The following CWC27 variants were observed in gnomAD, a reference collection of about 807,000 sequenced individuals.
CWC27 encodes spliceosome-associated protein CWC27 homolog.
In CWC27, 47 loss-of-function variants were observed where a neutral mutation model predicts 63.6. The observed-to-expected ratio is 0.74, with a 90% CI of 0.58 to 0.94. The LOEUF (loss-of-function observed/expected upper bound fraction) is 0.94, where lower values mean the gene tolerates loss of function less well. Among genes scored for constraint, CWC27 ranks in the 40% least tolerant of loss-of-function variants. The probability of loss-of-function intolerance (pLI) is 0.00; values close to 1 mark genes in which losing one functional copy is unlikely to be tolerated. For missense variants in CWC27, 495 were observed against 554.3 expected, an observed-to-expected ratio of 0.89 and a Z score of 1.07; for synonymous variants, 175 against 179.8, an observed-to-expected ratio of 0.97 and a Z score of 0.22.
At chr5:64,820,302 G>A (rs1396328605) in intron 10 of CWC27, among the ~76,000 whole-genome samples, 3 of 152,168 alleles carry the variant, frequency 2.0e-5, no homozygotes, top group Non-Finnish European at 2.9e-5. Flanking sequence ...ACAACTCCCA[G>A]TTTTCAGCCA....
chr5:64,779,857 T>C (rs1028427480), intron 2 of CWC27, among the ~76,000 whole-genome samples: 1 of 152,136 alleles, frequency 6.6e-6, no homozygotes, highest in Admixed American at 6.6e-5. Flanking sequence ...ATCTGATGGT[T>C]TTATAAGCAT....
chr5:64,923,960 G>C (rs756072406), intron 11 of CWC27, among the ~76,000 whole-genome samples: 2 of 151,354 alleles, frequency 1.3e-5, no homozygotes, highest in Non-Finnish European at 2.9e-5. Context: ...TCACTTTTTT[G>C]CTATCCCTCA....
chr5:64,812,825 A>C (rs1280042732), intron 10 of CWC27, among the ~76,000 whole-genome samples: 1 of 152,160 alleles, frequency 6.6e-6, no homozygotes, highest in Non-Finnish European at 1.5e-5. Flanking sequence ...TAAGAATAAG[A>C]ATTGTCAACA....
intron 2 of CWC27, among the ~76,000 whole-genome samples, chr5:64,779,527 G>A (rs1297540236): frequency 6.6e-6 from 1 of 152,156 alleles, no homozygotes; most frequent in Non-Finnish European, 1.5e-5. Context: ...AAACTGTGGT[G>A]AAGTTTATAT....
At chr5:64,808,386 C>T in intron 10 of CWC27, 1 of 950,406 alleles carries the variant, frequency 1.1e-6, no homozygotes, top group Non-Finnish European at 1.3e-6. Flanking sequence ...TTTTCACACT[C>T]CTGTAATATT....
chr5:64,933,194 T>C lies in CWC27; in HGVS notation c.1043-38509T>C, dbSNP rs114064999. The stretch of plus-strand genomic sequence containing the variant: ...CAGTCTGGGTAACACACTCTGAGAA[T>C]TGCTGCTCTAGTTGATCTGTAGGAG... On this transcript the variant is annotated intron_variant, in intron 11 of 13. Transcript: ENST00000381070. 5.2e-3 allele frequency among the ~76,000 whole-genome samples: 798 copies of C among 152,290 alleles called. 6 individuals are homozygous for C. Among genetic ancestry groups the C allele is most frequent in the African/African-American group, 0.018 (756 of 41,568 alleles).
intron 11 of CWC27, among the ~76,000 whole-genome samples, chr5:64,950,313 T>G (rs1261622605): frequency 1.3e-5 from 2 of 149,998 alleles, no homozygotes; most frequent in African/African-American, 4.9e-5. Context: ...TATAAGTGTT[T>G]TTTTTCCAAT....
At chr5:64,890,636 A>C (rs1047583454) in intron 11 of CWC27, among the ~76,000 whole-genome samples, 2 of 151,972 alleles carry the variant, frequency 1.3e-5, no homozygotes, top group African/African-American at 4.8e-5. Flanking sequence ...TACTTTATTT[A>C]CATAAAGTGA....
rs868718070 is a variant in CWC27, at chr5:64,885,518, A to T, written c.1014A>T (p.Ala338=). 4.4e-6 allele frequency: 7 copies of T among 1,603,588 alleles called. No individual in the cohort carries two copies. In the Middle Eastern group the frequency reaches 8.3e-4, roughly 189 times the overall value. Residue 338 remains alanine (A), a synonymous_variant, in exon 11 of 14, where the codon GCA becomes GCT. Transcript: ENST00000381070. The part of the protein sequence containing the change: ...LAAKQKKVEN[A]AKQAEKRSEE... ...CAAAACAAAAAAAAGTAGAAAATGCAGCAAAACAAGCAGAAAAAAGAAGTG... is the reference window on the plus strand; with the variant it reads ...CAAAACAAAAAAAAGTAGAAAATGCTGCAAAACAAGCAGAAAAAAGAAGTG...
chr5:64,908,213 C>T (rs1296673877), intron 11 of CWC27, among the ~76,000 whole-genome samples: 1 of 152,144 alleles, frequency 6.6e-6, no homozygotes. Context: ...GTTTCTTAAT[C>T]CTGAGTTCTA....
chr5:64,908,596 G>A (rs916274544), intron 11 of CWC27, among the ~76,000 whole-genome samples: 1 of 152,204 alleles, frequency 6.6e-6, no homozygotes, highest in Admixed American at 6.5e-5. Flanking sequence ...ATTTAGGATA[G>A]TTAGCTCCTC....
rs1174637781 is a variant in CWC27, at chr5:64,786,561, A to C, written c.533A>C (p.Glu178Ala). Residue 178 changes from glutamate to alanine, a missense_variant, in exon 6 of 14, where the codon GAA (glutamate) becomes GCA (alanine). Coordinates refer to ENST00000381070, the MANE Select transcript of CWC27 (RefSeq NM_005869.4). ...CCTTTTGATGACATCATTCCAAGGG[A>C]AATTAAAAGGCTGAAAAAAGAGAAA... ...FNPFDDIIPR[E>A]IKRLKKEKPE... is the part of the protein sequence containing the mutation. 2 of 1,591,708 alleles carry C rather than the reference A, an allele frequency of 1.3e-6. No homozygotes were observed. Among genetic ancestry groups the C allele is most frequent in the Non-Finnish European group, 1.7e-6 (2 of 1,171,366 alleles).
chr5:64,860,912 C>T (rs1399702972), intron 10 of CWC27, among the ~76,000 whole-genome samples: 1 of 152,148 alleles, frequency 6.6e-6, no homozygotes, highest in African/African-American at 2.4e-5. Context: ...AAAATGACCT[C>T]AAACTCAGTA....
intron 10 of CWC27, chr5:64,807,774 G>A (rs1349964467): frequency 6.5e-7 from 1 of 1,535,648 alleles, no homozygotes. Flanking sequence ...TCACTCAACG[G>A]ATCACCTGGC....
Position 64,911,399 on chromosome 5 carries a change from G to A in CWC27, c.1042+25853G>A, listed in dbSNP as rs1001408303. On this transcript the variant is annotated intron_variant, in intron 11 of 13. Coordinates refer to ENST00000381070, the MANE Select transcript of CWC27 (RefSeq NM_005869.4). The stretch of plus-strand genomic sequence containing the variant: ...TCATGAAAGGCTGAGGCAGTGTGAG[G>A]AGTCTTGTGCTTTCAGGAAAGGCAG... Among the ~76,000 whole-genome samples, 5 of 152,304 alleles carry A rather than the reference G, an allele frequency of 3.3e-5. No homozygotes were observed. In the South Asian group the frequency reaches 1.0e-3, roughly 32 times the overall value.
intron 11 of CWC27, among the ~76,000 whole-genome samples, chr5:64,909,206 T>G (rs1436887765): frequency 1.3e-5 from 2 of 152,216 alleles, no homozygotes; most frequent in Non-Finnish European, 2.9e-5. Context: ...ATATTGAATA[T>G]TGGCCCCCAC....
At chr5:64,812,270 T>A (rs1744899688) in intron 10 of CWC27, among the ~76,000 whole-genome samples, 1 of 152,114 alleles carries the variant, frequency 6.6e-6, no homozygotes, top group African/African-American at 2.4e-5. Flanking sequence ...ACAGATATTA[T>A]AACAACCCAA....
In CWC27 at chr5:64,854,958, CA is replaced by C. The variant is rs763037400; in HGVS notation, c.939-30476del. ...AGTTCTTTTTTGAAAGATTTATCGT[CA>C]AAAAAAAATCTAGTTTAGTATGTCT... is the stretch of plus-strand genomic sequence containing the variant. On this transcript the variant is annotated intron_variant, in intron 10 of 13. Coordinates refer to ENST00000381070, the MANE Select transcript of CWC27 (RefSeq NM_005869.4). Among the ~76,000 whole-genome samples the C allele has an allele frequency of 1.4e-3, 207 of 150,844 alleles. 2 individuals carry two copies. Among genetic ancestry groups the C allele is most frequent in the African/African-American group, 4.4e-3 (183 of 41,198 alleles).
intron 11 of CWC27, among the ~76,000 whole-genome samples, chr5:64,910,687 G>A (rs1474437709): frequency 6.6e-6 from 1 of 152,196 alleles, no homozygotes; most frequent in East Asian, 1.9e-4. Flanking sequence ...CCAGGCTGCT[G>A]CCTCGCAGGT....
Sources: allele counts gnomAD v4.1 joint callset (sites outside exome capture counted in the v4.1 genomes callset), GRCh38; gene constraint gnomAD v4.1.1; transcripts MANE v1.5; gene names NCBI Gene and HGNC (gene_info 2026-07-23, HGNC 2026-07-21).